Variants in RBFOX1 observed in about 807,000 individuals in gnomAD.
RBFOX1 encodes the protein RNA binding protein fox-1 homolog 1.
A neutral mutation model predicts 57.7 loss-of-function variants in RBFOX1; 8 were observed. The ratio of observed to expected loss-of-function variants is 0.14; its 90% confidence interval spans 0.08 to 0.25. RBFOX1 has a LOEUF of 0.25. RBFOX1 is among the 10% of genes least tolerant of loss of function. The pLI is 1.00. For missense variants in RBFOX1, 611 were observed against 548.5 expected, an observed-to-expected ratio of 1.11 and a Z score of -1.14; for synonymous variants, 326 against 222.4, an observed-to-expected ratio of 1.47 and a Z score of -4.15.
At chr16:7,363,505 A>AT (rs398119196) in intron 4 of RBFOX1, among the ~76,000 whole-genome samples, 1 of 151,514 alleles carries the variant, frequency 6.6e-6, no homozygotes, top group Non-Finnish European at 1.5e-5. Flanking sequence ...GAAAAAAAAA[A>AT]TAAGTAAAGG....
intron 4 of RBFOX1, among the ~76,000 whole-genome samples, chr16:5,988,638 C>A (rs946865255): frequency 3.9e-5 from 6 of 152,154 alleles, no homozygotes; most frequent in Non-Finnish European, 5.9e-5. Context: ...ATCCTGTGAG[C>A]ACGTCCAAGA....
intron 1 of RBFOX1, among the ~76,000 whole-genome samples, chr16:6,058,742 C>T (rs2095646632): frequency 6.6e-6 from 1 of 151,564 alleles, no homozygotes; most frequent in Non-Finnish European, 1.5e-5. Flanking sequence ...CCAATCCATC[C>T]ACCTATCCAT....
intron 1 of RBFOX1, among the ~76,000 whole-genome samples, chr16:6,217,005 G>T (rs1271242005): frequency 6.6e-6 from 1 of 151,830 alleles, no homozygotes; most frequent in Non-Finnish European, 1.5e-5. Flanking sequence ...TTGGAATTTC[G>T]GCAGTTCAAG....
Position 5,240,894 on chromosome 16 carries a change from C to T in RBFOX1, c.219+789C>T, listed in dbSNP as rs560694484. On this transcript the variant is annotated intron_variant, in intron 1 of 2. Coordinates refer to the RBFOX1 transcript ENST00000585867. ...CTTTGCTGGCCTTCCACTGGGGAGG[C>T]ACGCGGGTTTGGAGGGCAGATGAGG... is the stretch of plus-strand genomic sequence containing the variant. Among the ~76,000 whole-genome samples, 106 of 152,302 alleles carry T rather than the reference C, an allele frequency of 7.0e-4. No individual in the cohort carries two copies. The South Asian group carries it at 8.7e-3, about 13-fold the overall frequency.
chr16:6,806,084 C>T (rs79310933), intron 3 of RBFOX1, among the ~76,000 whole-genome samples: 94 of 152,242 alleles, frequency 6.2e-4, no homozygotes, highest in African/African-American at 2.2e-3. Context: ...GTATATGGTT[C>T]ACAAAGATGA....
intron 3 of RBFOX1, among the ~76,000 whole-genome samples, chr16:5,768,933 G>C (rs890704874): frequency 6.6e-6 from 1 of 151,478 alleles, no homozygotes; most frequent in Admixed American, 6.6e-5. Context: ...TAGATTATCA[G>C]ATGAAAAAAA....
At chr16:7,492,563 A>T (rs935524579) in intron 4 of RBFOX1, among the ~76,000 whole-genome samples, 1 of 152,186 alleles carries the variant, frequency 6.6e-6, no homozygotes, top group Non-Finnish European at 1.5e-5. Context: ...TCAGTTTCTT[A>T]GTGATATCAT....
intron 3 of RBFOX1, among the ~76,000 whole-genome samples, chr16:7,036,681 A>T (rs2044529188): frequency 6.6e-6 from 1 of 152,028 alleles, no homozygotes; most frequent in Admixed American, 6.6e-5. Flanking sequence ...CGAAAGAGCA[A>T]AACTCCGTCT....
At chr16:5,761,771 G>A (rs748634376) in intron 3 of RBFOX1, among the ~76,000 whole-genome samples, 5 of 152,126 alleles carry the variant, frequency 3.3e-5, no homozygotes, top group Non-Finnish European at 1.5e-5. Flanking sequence ...TGGCTAAATG[G>A]GTAAAGAATA....
At chr16:6,505,116 A>G (rs1026412197) in intron 2 of RBFOX1, among the ~76,000 whole-genome samples, 11 of 152,046 alleles carry the variant, frequency 7.2e-5, no homozygotes, top group African/African-American at 2.7e-4. Flanking sequence ...GTCTACTCAA[A>G]TTATTTTTTT....
At chr16:5,848,989 GA>G (rs2056824870) in intron 3 of RBFOX1, among the ~76,000 whole-genome samples, 1 of 150,418 alleles carries the variant, frequency 6.6e-6, no homozygotes, top group South Asian at 2.1e-4. Flanking sequence ...AAAAAAAACA[GA>G]AAAGTAAGTG....
intron 3 of RBFOX1, among the ~76,000 whole-genome samples, chr16:5,742,939 A>G (rs573503074): frequency 4.1e-4 from 63 of 152,316 alleles, no homozygotes; most frequent in African/African-American, 1.4e-3. Flanking sequence ...GGTGTGTATC[A>G]CAGCAGGGAC....
chr16:5,240,559 G>T (rs1173408114), intron 1 of RBFOX1, among the ~76,000 whole-genome samples: 1 of 152,172 alleles, frequency 6.6e-6, no homozygotes, highest in Non-Finnish European at 1.5e-5. Flanking sequence ...GCGGGCTGGC[G>T]GCGCTCACCC....
At chr16:6,472,304 T>C (rs1221903348) in intron 2 of RBFOX1, among the ~76,000 whole-genome samples, 2 of 152,168 alleles carry the variant, frequency 1.3e-5, no homozygotes, top group African/African-American at 4.8e-5. Context: ...GATTGGTATC[T>C]CTATGGTACA....
intron 4 of RBFOX1, among the ~76,000 whole-genome samples, chr16:7,351,248 G>A (rs1205723807): frequency 6.6e-6 from 1 of 152,192 alleles, no homozygotes; most frequent in Non-Finnish European, 1.5e-5. Flanking sequence ...TTACCTCTCT[G>A]AGCCTCAGTT....
chr16:7,369,690 C>A (rs546204363), intron 4 of RBFOX1, among the ~76,000 whole-genome samples: 2 of 152,174 alleles, frequency 1.3e-5, no homozygotes, highest in African/African-American at 2.4e-5. Flanking sequence ...GATGGAGGGG[C>A]TATTTGCCAT....
chr16:6,610,890 C>T (rs2098038790), intron 2 of RBFOX1, among the ~76,000 whole-genome samples: 1 of 152,136 alleles, frequency 6.6e-6, no homozygotes, highest in Admixed American at 6.6e-5. Flanking sequence ...ATTTGATATG[C>T]CTGTTCCACT....
chr16:5,493,484 T>G (rs1252869580), intron 2 of RBFOX1, among the ~76,000 whole-genome samples: 1 of 152,214 alleles, frequency 6.6e-6, no homozygotes, highest in African/African-American at 2.4e-5. Flanking sequence ...ACTTCCACGT[T>G]GAAGCAAAAA....
chr16:6,365,197 T>C (rs1360280263), intron 2 of RBFOX1, among the ~76,000 whole-genome samples: 2 of 152,162 alleles, frequency 1.3e-5, no homozygotes, highest in Non-Finnish European at 2.9e-5. Context: ...CTTCTTAAAA[T>C]AGATGGATGG....
Sources: allele counts gnomAD v4.1 joint callset (sites outside exome capture counted in the v4.1 genomes callset), GRCh38; gene constraint gnomAD v4.1.1; transcripts MANE v1.5; gene names NCBI Gene and HGNC (gene_info 2026-07-23, HGNC 2026-07-21).